The following CNTNAP4 variants were observed in gnomAD, a reference collection of about 807,000 sequenced individuals.
The protein encoded by CNTNAP4 is contactin associated protein family member 4, also known as contactin-associated protein-like 4.
In CNTNAP4, 98 loss-of-function variants were observed where a neutral mutation model predicts 148.4. The observed-to-expected ratio is 0.66, with a 90% CI of 0.56 to 0.78. The LOEUF is 0.78. Among genes scored for constraint, CNTNAP4 ranks in the 30% least tolerant of loss-of-function variants. The pLI, the probability that CNTNAP4 is intolerant of heterozygous loss-of-function variation, is 0.00. For synonymous variants in CNTNAP4, 730 were observed against 565.1 expected (o/e 1.29, Z -4.14); for missense variants, 1,935 against 1,565.6 (o/e 1.24, Z -3.98).
At position 76,355,404 on chromosome 16, in the gene CNTNAP4, G is replaced by A. The variant is rs759474348; in HGVS notation, c.283G>A (p.Ala95Thr). Reference sequence around the variant, plus strand: ...AGAGAGAATGGAGGTCACCGCTGTGGCCACTCAAGGGGGATATGGTAGCTC... The same window carrying A: ...AGAGAGAATGGAGGTCACCGCTGTGACCACTCAAGGGGGATATGGTAGCTC... The part of the protein sequence containing the change: ...LGERMEVTAV[A>T]TQGGYGSSNW... The change falls in exon 3 of 24, where the codon GCC becomes ACC. Residue 95 changes from alanine to threonine, a missense_variant. Transcript: ENST00000611870. 1.9e-6 allele frequency: 3 copies of A among 1,611,286 alleles called. No homozygotes were observed. The highest frequency in any genetic ancestry group is 2.5e-6 in the Non-Finnish European group (3 of 1,178,486).
intron 1 of CNTNAP4, among the ~76,000 whole-genome samples, chr16:76,285,639 A>T (rs1958849163): frequency 6.6e-6 from 1 of 152,122 alleles, no homozygotes; most frequent in South Asian, 2.1e-4. Context: ...ATATTACTTT[A>T]AAAGCACCAT....
intron 1 of CNTNAP4, among the ~76,000 whole-genome samples, chr16:76,293,479 T>C (rs1472646406): frequency 6.6e-6 from 1 of 152,232 alleles, no homozygotes; most frequent in Non-Finnish European, 1.5e-5. Flanking sequence ...TTTCTAGTTT[T>C]CTTCCTATCT....
chr16:76,386,930 G>C (rs143209477), intron 3 of CNTNAP4, among the ~76,000 whole-genome samples: 16 of 152,266 alleles, frequency 1.1e-4, no homozygotes, highest in African/African-American at 3.6e-4. Context: ...TGCAATCTGT[G>C]AATGACTCAA....
intron 17 of CNTNAP4, among the ~76,000 whole-genome samples, chr16:76,523,514 A>G (rs138214526): frequency 6.8e-4 from 103 of 152,142 alleles, no homozygotes; most frequent in African/African-American, 2.2e-3. Context: ...TTTACTTTGA[A>G]TCTTTGCTAA....
intron 3 of CNTNAP4, among the ~76,000 whole-genome samples, chr16:76,425,472 C>T (rs12919084): frequency 0.37 from 55,852 of 151,998 alleles, 11,490 homozygotes; most frequent in Non-Finnish European, 0.45. Flanking sequence ...AATAAACCTC[C>T]CTGCTTTAGT....
intron 3 of CNTNAP4, among the ~76,000 whole-genome samples, chr16:76,370,537 T>C (rs557640594): frequency 6.6e-6 from 1 of 152,256 alleles, no homozygotes; most frequent in South Asian, 2.1e-4. Context: ...CAGATCTTTT[T>C]CAAGTTCCCA....
chr16:76,343,813 C>G (rs1467932712), intron 2 of CNTNAP4, among the ~76,000 whole-genome samples: 1 of 151,946 alleles, frequency 6.6e-6, no homozygotes, highest in Non-Finnish European at 1.5e-5. Flanking sequence ...GCAAACAAAT[C>G]TAAATGTGTT....
At chr16:76,302,972 C>A (rs972849466) in intron 1 of CNTNAP4, among the ~76,000 whole-genome samples, 3 of 152,044 alleles carry the variant, frequency 2.0e-5, no homozygotes, top group Non-Finnish European at 4.4e-5. Flanking sequence ...TGGAAAGAGT[C>A]CAGAGCTTAG....
At chr16:76,553,739 C>A in intron 22 of CNTNAP4, 97 bp from the exon 23 acceptor site, 1 of 774,444 alleles carries the variant, frequency 1.3e-6, no homozygotes, top group East Asian at 2.6e-5. Context: ...CATTCGCCTC[C>A]ATAATTCTCT....
intron 3 of CNTNAP4, among the ~76,000 whole-genome samples, chr16:76,419,884 G>A (rs756569313): frequency 3.3e-5 from 5 of 151,926 alleles, no homozygotes; most frequent in South Asian, 2.1e-4. Flanking sequence ...AGCTCTCTTC[G>A]TATTCTTATA....
At chr16:76,447,902 G>A in intron 4 of CNTNAP4, 110 bp from the exon 5 acceptor site, 2 of 699,856 alleles carry the variant, frequency 2.9e-6, no homozygotes, top group Non-Finnish European at 4.9e-6. Context: ...ATCTGTATAT[G>A]CATGTGTATG....
chr16:76,540,059 A>C (rs2084383654), intron 20 of CNTNAP4, among the ~76,000 whole-genome samples: 1 of 152,144 alleles, frequency 6.6e-6, no homozygotes, highest in Non-Finnish European at 1.5e-5. Context: ...TTTAAATGCC[A>C]ATCTTTTCTA....
chr16:76,442,951 A>G (rs1049246470), intron 4 of CNTNAP4, among the ~76,000 whole-genome samples: 1 of 152,086 alleles, frequency 6.6e-6, no homozygotes, highest in African/African-American at 2.4e-5. Context: ...AACATGAAAT[A>G]TATATTATTA....
chr16:76,294,689 A>T (rs571551632), intron 1 of CNTNAP4, among the ~76,000 whole-genome samples: 3 of 152,184 alleles, frequency 2.0e-5, no homozygotes, highest in Non-Finnish European at 4.4e-5. Context: ...GTGTTCCAAA[A>T]CATAGTAATT....
At chr16:76,374,385 T>G (rs1434402739) in intron 3 of CNTNAP4, among the ~76,000 whole-genome samples, 2 of 152,186 alleles carry the variant, frequency 1.3e-5, no homozygotes, top group African/African-American at 4.8e-5. Flanking sequence ...AATTCCATCT[T>G]TGTACTCTAC....
chr16:76,399,775 GT>G (rs1187039410), intron 3 of CNTNAP4, among the ~76,000 whole-genome samples: 4 of 152,060 alleles, frequency 2.6e-5, no homozygotes, highest in African/African-American at 9.7e-5. Flanking sequence ...TGCATCTTTT[GT>G]TATGCTTAAC....
intron 21 of CNTNAP4, among the ~76,000 whole-genome samples, chr16:76,550,808 C>A (rs953553558): frequency 6.6e-6 from 1 of 152,052 alleles, no homozygotes; most frequent in Non-Finnish European, 1.5e-5. Context: ...TGATGAACTG[C>A]CTCCTATATA....
chr16:76,277,604 G>C lies in CNTNAP4; in HGVS notation c.-59G>C, dbSNP rs1958524377. On this transcript the variant is annotated 5_prime_UTR_variant, in exon 1 of 24. Coordinates refer to ENST00000611870, the MANE Select transcript of CNTNAP4 (RefSeq NM_033401.5). Reference sequence around the variant, plus strand: ...AGAGCTGGCAGAGCTACTGAGAAGAGGACTGGAGCGCTCTGAGAGCCTCTC... The same window carrying C: ...AGAGCTGGCAGAGCTACTGAGAAGACGACTGGAGCGCTCTGAGAGCCTCTC... 2 of 1,179,186 alleles carry C rather than the reference G, an allele frequency of 1.7e-6. No individual in the cohort carries two copies. The highest frequency in any genetic ancestry group is 2.5e-6 in the Non-Finnish European group (2 of 806,372). The allele number at this position is 1,179,186 out of a possible 1,614,324, so 73.0% of individuals were successfully genotyped here. A position where few individuals can be genotyped will look rare whatever the true frequency, so the allele number is the denominator to read the frequency against.
chr16:76,521,550 T>G (rs527925479), intron 16 of CNTNAP4, among the ~76,000 whole-genome samples: 34 of 152,330 alleles, frequency 2.2e-4, no homozygotes, highest in Non-Finnish European at 4.3e-4. Context: ...AGTTTTAATT[T>G]CAGTTAATTA....
Sources: gnomAD v4.1 joint callset for allele counts (sites outside exome capture counted in the v4.1 genomes callset) on GRCh38, gnomAD v4.1.1 for gene constraint, MANE v1.5 for transcripts, NCBI Gene and HGNC (gene_info 2026-07-23, HGNC 2026-07-21) for gene names.